Variants in PSMC5 observed in about 807,000 individuals in gnomAD.
PSMC5 encodes 26S proteasome regulatory subunit 8.
Under a neutral mutation model 49.1 loss-of-function variants are expected in PSMC5, and 11 were observed. That is an observed-to-expected ratio of 0.22 (90% CI 0.14 to 0.37). PSMC5 has a LOEUF of 0.37. PSMC5 is among the 10% of genes least tolerant of loss of function. The pLI is 1.00. For missense variants in PSMC5, 229 were observed against 520.9 expected (o/e 0.44, Z 5.45); for synonymous variants, 206 against 192.2 (o/e 1.07, Z -0.59).
In PSMC5 at chr17:63,830,601, A is replaced by G. The variant is rs1308200111; in HGVS notation, c.552+100A>G. On this transcript the variant is annotated intron_variant, in intron 6 of 11. Transcript: ENST00000310144. This position sits in a 1 kb window ranked among gnomAD's most constrained non-coding sequence, Gnocchi z 4.0. The stretch of plus-strand genomic sequence containing the variant: ...TTGGGGAGGCACCGGGATAGGCTGC[A>G]TCTTGCTTGGGCTGGCCCTCCCCCT... 6.6e-6 allele frequency: 10 copies of G among 1,522,692 alleles called. No individual in the cohort carries two copies. The highest frequency in any genetic ancestry group is 1.4e-5 in the African/African-American group (1 of 72,786). 94.3% of individuals were successfully genotyped at this position (1,522,692 alleles called of 1,614,324 possible).
chr17:63,830,180 C>T lies in PSMC5; in HGVS notation c.312C>T (p.Asp104=). The T allele has an allele frequency of 1.2e-6, 2 of 1,614,142 alleles. No homozygotes were observed. Among genetic ancestry groups the T allele is most frequent in the East Asian group, 2.2e-5 (1 of 44,890 alleles). Residue 104 remains aspartate (D), a synonymous_variant, in exon 5 of 12, where the codon GAC becomes GAT. Coordinates refer to ENST00000310144, the MANE Select transcript of PSMC5 (RefSeq NM_002805.6). The surrounding 1 kb of genome is among the most constrained non-coding windows in gnomAD (Gnocchi z 4.0). The part of the protein sequence containing the change: ...KFVVDVDKNI[D]INDVTPNCRV... ...TTGTAGACGTGGACAAAAACATTGACATCAATGATGTGAGTGTAGCAGGTG... is the reference window on the plus strand; with the variant it reads ...TTGTAGACGTGGACAAAAACATTGATATCAATGATGTGAGTGTAGCAGGTG...
intron 2 of PSMC5, 190 bp from the exon 3 acceptor site, chr17:63,829,304 C>CTG: frequency 3.5e-6 from 2 of 577,192 alleles, no homozygotes; most frequent in Non-Finnish European, 6.2e-6. Flanking sequence ...TTGATGGCTG[C>CTG]TGTAAGGTCC....
At position 63,831,268 on chromosome 17, in the gene PSMC5, G is replaced by A; in HGVS notation, c.870+42G>A. 1.2e-6 allele frequency: 2 copies of A among 1,608,080 alleles called. No individual in the cohort carries two copies. The highest frequency in any genetic ancestry group is 1.7e-6 in the Non-Finnish European group (2 of 1,175,776). ...CTTGGGATGGGCCCAGGGAAGGCCTGGGTGCCACGCAGGCTGAGGAAGAGG... is the reference window on the plus strand; with the variant it reads ...CTTGGGATGGGCCCAGGGAAGGCCTAGGTGCCACGCAGGCTGAGGAAGAGG... On this transcript the variant is annotated intron_variant, in intron 8 of 11. Transcript: ENST00000310144. The surrounding 1 kb of genome is among the most constrained non-coding windows in gnomAD (Gnocchi z 6.3).
rs774422521 is a variant in PSMC5, at chr17:63,830,549, C to T, written c.552+48C>T. 1 of 1,597,906 alleles carries T rather than the reference C, an allele frequency of 6.3e-7. No homozygotes were observed. Among genetic ancestry groups the T allele is most frequent in the Non-Finnish European group, 8.5e-7 (1 of 1,173,046 alleles). ...GAGGGCCAAGCTGTACTTACTCCTCCTGCCCCAGCCAGCCCTACTGCAGGG... is the reference window on the plus strand; with the variant it reads ...GAGGGCCAAGCTGTACTTACTCCTCTTGCCCCAGCCAGCCCTACTGCAGGG... On this transcript the variant is annotated intron_variant, in intron 6 of 11. Transcript: ENST00000310144. This position sits in a 1 kb window ranked among gnomAD's most constrained non-coding sequence, Gnocchi z 4.0.
rs1012509458 is a variant in PSMC5 at position 63,830,800 on chromosome 17, C to A, written c.553-9C>A. The A allele has an allele frequency of 1.9e-6, 3 of 1,613,610 alleles. No homozygotes were observed. In the East Asian group the frequency reaches 6.7e-5, roughly 36 times the overall value. ...GCTTTCTGCCCTGAGTCCTGCTGTT[C>A]CCCTGTAGGGAGTGCTGCTGTATGG... On this transcript the variant is annotated splice_polypyrimidine_tract_variant and intron_variant, in intron 6 of 11. Coordinates refer to ENST00000310144, the MANE Select transcript of PSMC5 (RefSeq NM_002805.6). This position sits in a 1 kb window ranked among gnomAD's most constrained non-coding sequence, Gnocchi z 4.0.
At position 63,831,692 on chromosome 17, in the gene PSMC5, C is replaced by T; in HGVS notation, c.1081-32C>T. On this transcript the variant is annotated intron_variant, in intron 10 of 11. Coordinates refer to ENST00000310144, the MANE Select transcript of PSMC5 (RefSeq NM_002805.6). This position sits in a 1 kb window ranked among gnomAD's most constrained non-coding sequence, Gnocchi z 6.3. ...CAAGGGCCACAGATGAGGGGCACAG[C>T]AGTGGGGCCTCAATTTCCTTTTCCT... 6.2e-7 allele frequency: 1 copy of T among 1,613,714 alleles called. No homozygotes were observed. Among genetic ancestry groups the T allele is most frequent in the Non-Finnish European group, 8.5e-7 (1 of 1,179,594 alleles).
chr17:63,827,717 C>T, intron 1 of PSMC5: 1 of 1,436,876 alleles, frequency 7.0e-7, no homozygotes. Flanking sequence ...GAGGAAGACG[C>T]GGTAGAAGCG....
Position 63,831,379 on chromosome 17 carries a change from C to T in PSMC5, c.923C>T (p.Pro308Leu). Reference protein sequence around the residue: ...IDILDSALLRPGRIDRKIEFP... With the variant: ...IDILDSALLRLGRIDRKIEFP... ...ATCCTGGACTCGGCACTGCTTCGCC[C>T]AGGGCGCATTGACAGAAAAATTGAA... The change falls in exon 9 of 12, where the codon CCA (proline) becomes CTA (leucine). Residue 308 changes from proline (P) to leucine (L), a missense_variant. By Grantham distance (98) the Pro-to-Leu change is moderately conservative. Transcript: ENST00000310144. This position sits in a 1 kb window ranked among gnomAD's most constrained non-coding sequence, Gnocchi z 6.3. 6.2e-7 allele frequency: 1 copy of T among 1,614,044 alleles called. No homozygotes were observed. Among genetic ancestry groups the T allele is most frequent in the Non-Finnish European group, 8.5e-7 (1 of 1,180,016 alleles).
chr17:63,829,523 C>A lies in PSMC5; in HGVS notation c.126C>A (p.Leu42=). The stretch of plus-strand genomic sequence containing the variant: ...TTGTGAATGATAAGAGCCAAAACCT[C>A]CGGAGGCTGCAGGCACAGAGGAACG... The part of the protein sequence containing the change: ...QLIVNDKSQN[L]RRLQAQRNEL... Residue 42 remains leucine (L), a synonymous_variant, in exon 3 of 12, where the codon CTC becomes CTA. Transcript: ENST00000310144. The A allele has an allele frequency of 6.4e-7, 1 of 1,555,830 alleles. No individual in the cohort carries two copies.
chr17:63,827,691 C>T (rs1231303913), intron 1 of PSMC5, 177 bp downstream of exon 1: 38 of 1,453,592 alleles, frequency 2.6e-5, no homozygotes, highest in Middle Eastern at 2.5e-4. Context: ...CTCGGTGAGT[C>T]AGGGCAAGGC....
In PSMC5 at chr17:63,830,560, A is replaced by G; in HGVS notation, c.552+59A>G. The G allele has an allele frequency of 6.3e-7, 1 of 1,587,936 alleles. No individual in the cohort carries two copies. The highest frequency in any genetic ancestry group is 8.6e-7 in the Non-Finnish European group (1 of 1,168,530). On this transcript the variant is annotated intron_variant, in intron 6 of 11. Transcript: ENST00000310144. This position sits in a 1 kb window ranked among gnomAD's most constrained non-coding sequence, Gnocchi z 4.0. Reference sequence around the variant, plus strand: ...TGTACTTACTCCTCCTGCCCCAGCCAGCCCTACTGCAGGGGTTGGGGAGGC... The same window carrying G: ...TGTACTTACTCCTCCTGCCCCAGCCGGCCCTACTGCAGGGGTTGGGGAGGC...
chr17:63,830,989 G>C lies in PSMC5; in HGVS notation c.680-47G>C. The C allele has an allele frequency of 6.2e-7, 1 of 1,606,240 alleles. No individual in the cohort carries two copies. Among genetic ancestry groups the C allele is most frequent in the Non-Finnish European group, 8.5e-7 (1 of 1,175,548 alleles). ...AGAGGTAGGGGTAGGGGGTTAGAGA[G>C]CTAATAAGCTAATAAGCTCCCTAAC... On this transcript the variant is annotated intron_variant, in intron 7 of 11. Transcript: ENST00000310144. This position sits in a 1 kb window ranked among gnomAD's most constrained non-coding sequence, Gnocchi z 4.0.
At position 63,829,691 on chromosome 17, in the gene PSMC5, C is replaced by T. The variant is rs572426900; in HGVS notation, c.166+128C>T. 2.2e-5 allele frequency: 27 copies of T among 1,212,808 alleles called. No homozygotes were observed. In the East Asian group the frequency reaches 6.1e-4, roughly 27 times the overall value. 75.1% of individuals were successfully genotyped at this position (1,212,808 alleles called of 1,614,324 possible). ...TGTCATCATCTAGTAGTTTCACATG[C>T]ATCTCTTTTTCCTGAGCCCTATTGT... On this transcript the variant is annotated intron_variant, in intron 3 of 11. Transcript: ENST00000310144.
intron 3 of PSMC5, 46 bp from the exon 4 acceptor site, chr17:63,829,806 C>T: frequency 6.3e-7 from 1 of 1,593,642 alleles, no homozygotes; most frequent in Non-Finnish European, 8.6e-7. Context: ...GTCCTGGAGA[C>T]TCCAAAGGAG....
chr17:63,830,579 G>A lies in PSMC5; in HGVS notation c.552+78G>A. On this transcript the variant is annotated intron_variant, in intron 6 of 11. Coordinates refer to ENST00000310144, the MANE Select transcript of PSMC5 (RefSeq NM_002805.6). This position sits in a 1 kb window ranked among gnomAD's most constrained non-coding sequence, Gnocchi z 4.0. ...CCAGCCAGCCCTACTGCAGGGGTTGGGGAGGCACCGGGATAGGCTGCATCT... is the reference window on the plus strand; with the variant it reads ...CCAGCCAGCCCTACTGCAGGGGTTGAGGAGGCACCGGGATAGGCTGCATCT... 2 of 1,551,976 alleles carry A rather than the reference G, an allele frequency of 1.3e-6. No homozygotes were observed. The highest frequency in any genetic ancestry group is 1.7e-6 in the Non-Finnish European group (2 of 1,151,408).
Position 63,829,907 on chromosome 17 carries a change from G to C in PSMC5, c.222G>C (p.Gly74=). ...TGCAGGAGCAGGGCTCCTATGTGGG[G>C]GAAGTAGTCCGGGCCATGGATAAGA... ...QLLQEQGSYV[G]EVVRAMDKKK... is the part of the protein sequence containing the mutation. Residue 74 remains glycine (G), a synonymous_variant, in exon 4 of 12, where the codon GGG becomes GGC. Coordinates refer to ENST00000310144, the MANE Select transcript of PSMC5 (RefSeq NM_002805.6). The C allele has an allele frequency of 7.4e-6, 12 of 1,613,602 alleles. No homozygotes were observed. Among genetic ancestry groups the C allele is most frequent in the Non-Finnish European group, 1.0e-5 (12 of 1,179,802 alleles).
Position 63,831,453 on chromosome 17 carries a change from C to T in PSMC5, c.969+28C>T, listed in dbSNP as rs199942073. ...TTGTGATGGACACTGTGCAAAGTGG[C>T]TCTGGCTGTGGGGGTGGGGTGTGGG... On this transcript the variant is annotated intron_variant, in intron 9 of 11. Transcript: ENST00000310144. This position sits in a 1 kb window ranked among gnomAD's most constrained non-coding sequence, Gnocchi z 6.3. The T allele has an allele frequency of 2.9e-5, 46 of 1,613,052 alleles. 1 individual carries two copies. The East Asian group carries it at 9.8e-4, about 34-fold the overall frequency.
chr17:63,830,163 G>A lies in PSMC5; in HGVS notation c.295G>A (p.Val99Met), dbSNP rs768992462. The change falls in exon 5 of 12, where the codon GTG (valine) becomes ATG (methionine). Residue 99 changes from valine (V) to methionine (M), a missense_variant. Transcript: ENST00000310144. This position sits in a 1 kb window ranked among gnomAD's most constrained non-coding sequence, Gnocchi z 4.0. ...VHPEGKFVVD[V>M]DKNIDINDVT... ...TCCTGAAGGTAAATTTGTTGTAGAC[G>A]TGGACAAAAACATTGACATCAATGA... 3.1e-6 allele frequency: 5 copies of A among 1,614,126 alleles called. No individual in the cohort carries two copies. Among genetic ancestry groups the A allele is most frequent in the East Asian group, 2.2e-5 (1 of 44,892 alleles).
At chr17:63,827,538 C>G (rs923266650) in intron 1 of PSMC5, 24 bp downstream of exon 1, 3 of 1,551,566 alleles carry the variant, frequency 1.9e-6, no homozygotes, top group Non-Finnish European at 2.6e-6. Flanking sequence ...AGTGGCGGCC[C>G]GGCAGGTTAC....
Sources: gnomAD v4.1 joint callset for allele counts on GRCh38, gnomAD v4.1.1 for gene constraint, Gnocchi (gnomAD v3.1) non-coding constraint, MANE v1.5 for transcripts, NCBI Gene and HGNC (gene_info 2026-07-23, HGNC 2026-07-21) for gene names.